Variants in TOX2 observed in about 807,000 individuals in gnomAD.
TOX2 encodes the protein TOX high mobility group box family member 2.
A neutral mutation model predicts 47.4 loss-of-function variants in TOX2; 15 were observed. The observed-to-expected ratio is 0.32, with a 90% CI of 0.21 to 0.49. The LOEUF (loss-of-function observed/expected upper bound fraction) is 0.49. TOX2 is among the 20% of genes least tolerant of loss of function. The pLI is 0.99. For missense variants in TOX2, 622 were observed against 673.1 expected (o/e 0.92, Z 0.84); for synonymous variants, 290 against 296.6 (o/e 0.98, Z 0.23).
intron 1 of TOX2, among the ~76,000 whole-genome samples, chr20:43,923,846 G>A (rs72626531): frequency 0.079 from 12,083 of 152,226 alleles, 676 homozygotes; most frequent in Admixed American, 0.19. Flanking sequence ...AGGAGGAAAC[G>A]TGCTTGGGCC....
chr20:43,924,092 C>T (rs567413884), intron 1 of TOX2, among the ~76,000 whole-genome samples: 2 of 152,276 alleles, frequency 1.3e-5, no homozygotes, highest in East Asian at 1.9e-4. Flanking sequence ...CATTGAAGGG[C>T]GAGCTGCAAG....
intron 3 of TOX2, among the ~76,000 whole-genome samples, chr20:44,025,244 C>T (rs1188862027): frequency 1.3e-5 from 2 of 151,954 alleles, no homozygotes; most frequent in Non-Finnish European, 1.5e-5. Flanking sequence ...CCCTTGGATG[C>T]GTCGAGCCTC....
chr20:44,026,020 T>C (rs1290823654), intron 3 of TOX2, among the ~76,000 whole-genome samples: 1 of 151,346 alleles, frequency 6.6e-6, no homozygotes, highest in Non-Finnish European at 1.5e-5. Context: ...GAGTCCTGGG[T>C]AGGGGGAACT....
At chr20:44,013,624 A>G (rs2070820765) in intron 3 of TOX2, among the ~76,000 whole-genome samples, 1 of 152,218 alleles carries the variant, frequency 6.6e-6, no homozygotes, top group South Asian at 2.1e-4. Flanking sequence ...TAGTGGCTTA[A>G]AACAATGAAT....
At chr20:43,955,256 G>T (rs970873710) in intron 1 of TOX2, 33 of 985,366 alleles carry the variant, frequency 3.3e-5, no homozygotes, top group Non-Finnish European at 3.9e-5. Context: ...CTGGCTGAGA[G>T]CTGTGGATCT....
At chr20:43,952,103 A>G (rs11907158) in intron 1 of TOX2, among the ~76,000 whole-genome samples, 4,336 of 151,634 alleles carry the variant, frequency 0.029, 77 homozygotes, top group African/African-American at 0.046. Flanking sequence ...GGGTTTCACC[A>G]TGTTAGCCAG....
At chr20:43,959,424 C>G (rs1241148391) in intron 1 of TOX2, among the ~76,000 whole-genome samples, 1 of 152,232 alleles carries the variant, frequency 6.6e-6, no homozygotes, top group African/African-American at 2.4e-5. Flanking sequence ...AGGAAGTGAA[C>G]CTGGCACTTT....
At chr20:43,992,491 G>A (rs2070386578) in intron 2 of TOX2, among the ~76,000 whole-genome samples, 1 of 152,140 alleles carries the variant, frequency 6.6e-6, no homozygotes, top group South Asian at 2.1e-4. Context: ...TGGAGCCAAA[G>A]GAGCTCCCAT....
intron 1 of TOX2, among the ~76,000 whole-genome samples, chr20:43,970,654 A>G (rs1303073588): frequency 6.6e-6 from 1 of 152,264 alleles, no homozygotes; most frequent in Non-Finnish European, 1.5e-5. Flanking sequence ...TACTTTTGTC[A>G]AAATGATCAA....
At chr20:43,950,348 C>T (rs1028128767) in intron 1 of TOX2, among the ~76,000 whole-genome samples, 1 of 152,224 alleles carries the variant, frequency 6.6e-6, no homozygotes, top group Non-Finnish European at 1.5e-5. Flanking sequence ...CTCTCGCCTG[C>T]CCTCGCTGGC....
Position 44,000,687 on chromosome 20 carries a change from A to G in TOX2, c.166-5860A>G, listed in dbSNP as rs377500493. ...GGAGTGAGTGTGTTTAGAGGAGGGT[A>G]TAAGATCTGAGCTCTGGGAATGTCA... On this transcript the variant is annotated intron_variant, in intron 2 of 8. Coordinates refer to ENST00000341197, the MANE Select transcript of TOX2 (RefSeq NM_001098797.2). 3.9e-5 allele frequency among the ~76,000 whole-genome samples: 6 copies of G among 152,158 alleles called. No homozygotes were observed. In the East Asian group the frequency reaches 5.8e-4, roughly 15 times the overall value.
At chr20:44,037,524 G>A (rs968544691) in intron 3 of TOX2, among the ~76,000 whole-genome samples, 2 of 152,082 alleles carry the variant, frequency 1.3e-5, no homozygotes, top group African/African-American at 4.8e-5. Context: ...CCACTTTCTG[G>A]CTGTGTGATC....
chr20:44,005,023 C>A (rs2070654166), intron 2 of TOX2, among the ~76,000 whole-genome samples: 1 of 152,128 alleles, frequency 6.6e-6, no homozygotes. Context: ...CTGATCTGAT[C>A]GTTATGCATT....
chr20:43,964,492 G>A (rs2069815333), intron 1 of TOX2, among the ~76,000 whole-genome samples: 1 of 152,210 alleles, frequency 6.6e-6, no homozygotes, highest in African/African-American at 2.4e-5. Context: ...AGCAGTGTGT[G>A]CTGCTTTGAT....
chr20:43,961,519 A>G (rs1369256357), intron 1 of TOX2, among the ~76,000 whole-genome samples: 1 of 151,806 alleles, frequency 6.6e-6, no homozygotes, highest in East Asian at 1.9e-4. Context: ...GCACTGCCTG[A>G]GCCAACTGAT....
At position 43,914,962 on chromosome 20, in the gene TOX2, C is replaced by A. The variant is rs986587615; in HGVS notation, c.71C>A (p.Ala24Glu). 4.0e-6 allele frequency: 5 copies of A among 1,253,708 alleles called. No individual in the cohort carries two copies. The African/African-American group carries it at 6.4e-5, about 16-fold the overall frequency. 77.7% of individuals were successfully genotyped at this position (1,253,708 alleles called of 1,614,324 possible). A position where few individuals can be genotyped will look rare whatever the true frequency, so the allele number is the denominator to read the frequency against. ...ARPGAEPAGL[A>E]HLDYYHGGKF... ...CCCGGGGCCGAGCCGGCCGGCCTGG[C>A]GCACCTGGACTATTACCACGGCGGC... The change falls in exon 1 of 9, where the codon GCG becomes GAG. Residue 24 changes from alanine (A) to glutamate (E), a missense_variant. Around this residue, in one of 3 missense-constraint regions of TOX2, gnomAD observed 307 missense variants for 327.3 expected, o/e 0.94. Coordinates refer to ENST00000341197, the MANE Select transcript of TOX2 (RefSeq NM_001098797.2). The surrounding 1 kb of genome is among the most constrained non-coding windows in gnomAD (Gnocchi z 4.5).
intron 3 of TOX2, among the ~76,000 whole-genome samples, chr20:44,042,308 T>C (rs1600773087): frequency 1.3e-5 from 2 of 152,196 alleles, no homozygotes; most frequent in East Asian, 3.8e-4. Context: ...TCCCACAACA[T>C]GTGGGAATTA....
rs375009083 is a variant in TOX2, at chr20:43,980,997, C to G, written c.165+7565C>G. Among the ~76,000 whole-genome samples, 45 of 152,218 alleles carry G rather than the reference C, an allele frequency of 3.0e-4. No individual in the cohort carries two copies. In the South Asian group the frequency reaches 7.5e-3, roughly 25 times the overall value. On this transcript the variant is annotated intron_variant, in intron 2 of 8. Transcript: ENST00000341197. Reference sequence around the variant, plus strand: ...TTATACATGAAGACTTGCTAGAGATCAGTTCAAAACCCTGGTAGAAAAAAA... The same window carrying G: ...TTATACATGAAGACTTGCTAGAGATGAGTTCAAAACCCTGGTAGAAAAAAA...
At chr20:43,981,936 T>TC (rs58896768) in intron 2 of TOX2, among the ~76,000 whole-genome samples, 3 of 66,320 alleles carry the variant, frequency 4.5e-5, no homozygotes, top group African/African-American at 2.6e-4. Flanking sequence ...AGGGATTTTC[T>TC]TTTTTTTTTT....
Sources: gnomAD v4.1 joint callset for allele counts (sites outside exome capture counted in the v4.1 genomes callset) on GRCh38, gnomAD v4.1.1 for gene constraint, gnomAD v4.1.1 regional missense constraint, Gnocchi (gnomAD v3.1) non-coding constraint, MANE v1.5 for transcripts, NCBI Gene and HGNC (gene_info 2026-07-23, HGNC 2026-07-21) for gene names.